Variants in GPAT3 observed in about 807,000 individuals in gnomAD.
GPAT3 encodes glycerol-3-phosphate acyltransferase 3.
Under a neutral mutation model 58.8 loss-of-function variants are expected in GPAT3, and 53 were observed. The observed-to-expected ratio is 0.90, with a 90% CI of 0.72 to 1.13. The LOEUF (loss-of-function observed/expected upper bound fraction) is 1.13. GPAT3 is among the 50% of genes most tolerant of loss of function. GPAT3 has a pLI of 0.00. For synonymous variants in GPAT3, 197 were observed against 187.4 expected, an observed-to-expected ratio of 1.05 and a Z score of -0.42; for missense variants, 511 against 527.6, an observed-to-expected ratio of 0.97 and a Z score of 0.31.
rs1181328400 is a variant in GPAT3 at position 83,579,087 on chromosome 4, C to T, written c.209-2475C>T. 3.5e-3 allele frequency among the ~76,000 whole-genome samples: 237 copies of T among 68,280 alleles called. 38 individuals are homozygous for T. Among genetic ancestry groups the T allele is most frequent in the East Asian group, 0.011 (19 of 1,706 alleles). 44.8% of individuals were successfully genotyped at this position (68,280 alleles called of 152,430 possible). A position where few individuals can be genotyped will look rare whatever the true frequency, so the allele number is the denominator to read the frequency against. On this transcript the variant is annotated intron_variant, in intron 2 of 11. Transcript: ENST00000264409. ...CTTTCTTTCTTTCTTTCTTCCCTTCCTTCCTTCCTTCCTTCCTTCCTTCCT... is the reference window on the plus strand; with the variant it reads ...CTTTCTTTCTTTCTTTCTTCCCTTCTTTCCTTCCTTCCTTCCTTCCTTCCT...
intron 2 of GPAT3, among the ~76,000 whole-genome samples, chr4:83,555,234 C>T (rs1298517786): frequency 6.6e-6 from 1 of 152,128 alleles, no homozygotes; most frequent in Admixed American, 6.6e-5. Context: ...GTGATAGTGT[C>T]TTTGTGTATG....
intron 2 of GPAT3, among the ~76,000 whole-genome samples, chr4:83,557,853 G>A (rs1724993980): frequency 1.3e-5 from 2 of 152,270 alleles, no homozygotes; most frequent in South Asian, 4.1e-4. Context: ...TTGACATAAT[G>A]TAAAGGGCAA....
rs1291958723 is a variant in GPAT3 at position 83,594,895 on chromosome 4, CA to C, written c.791del (p.Lys264ArgfsTer13). 3 of 1,613,842 alleles carry C rather than the reference CA, an allele frequency of 1.9e-6. No individual in the cohort carries two copies. Among genetic ancestry groups the C allele is most frequent in the Non-Finnish European group, 2.5e-6 (3 of 1,179,912 alleles). ...LMGIIQRAMV[K>X]ACPHVWFERS... The stretch of plus-strand genomic sequence containing the variant: ...TGGGAATTATTCAGAGAGCTATGGT[CA>C]AGGCTTGTCCTCATGTCTGGTTTGA... On this transcript the variant is annotated frameshift_variant, in exon 7 of 12. Coordinates refer to ENST00000264409, the MANE Select transcript of GPAT3 (RefSeq NM_032717.5). LOFTEE classifies it high-confidence loss of function.
At position 83,596,850 on chromosome 4, in the gene GPAT3, T is replaced by C; in HGVS notation, c.855-8T>C. The C allele has an allele frequency of 1.9e-6, 3 of 1,604,970 alleles. No homozygotes were observed. ...AAGGCAGAATTTTGATCCTTTTTTT[T>C]TCCATAGACTAAAAGAACATATTGC... On this transcript the variant is annotated splice_polypyrimidine_tract_variant and splice_region_variant and intron_variant, in intron 7 of 11. Coordinates refer to ENST00000264409, the MANE Select transcript of GPAT3 (RefSeq NM_032717.5).
Position 83,605,078 on chromosome 4 carries a change from T to G in GPAT3, c.*311T>G, listed in dbSNP as rs1727205458. ...GAAAAAAGTGCTTGAAAAGTGTGTT[T>G]GGAACTCATCGATAGGGTAATTCTC... is the stretch of plus-strand genomic sequence containing the variant. On this transcript the variant is annotated 3_prime_UTR_variant, in exon 12 of 12. Transcript: ENST00000264409. 4.8e-6 allele frequency: 1 copy of G among 208,168 alleles called. No individual in the cohort carries two copies. The highest frequency in any genetic ancestry group is 9.7e-6 in the Non-Finnish European group (1 of 103,524). 12.9% of individuals were successfully genotyped at this position (208,168 alleles called of 1,614,324 possible).
At chr4:83,588,913 T>G (rs1726485414) in intron 5 of GPAT3, among the ~76,000 whole-genome samples, 1 of 152,374 alleles carries the variant, frequency 6.6e-6, no homozygotes, top group African/African-American at 2.4e-5. Context: ...GAACTACTTT[T>G]CTATTATCTT....
intron 11 of GPAT3, among the ~76,000 whole-genome samples, chr4:83,603,982 C>T (rs1267100756): frequency 3.9e-5 from 6 of 151,916 alleles, no homozygotes; most frequent in African/African-American, 9.7e-5. Flanking sequence ...CATAGGTAGA[C>T]GAAAAACCAG....
At chr4:83,575,041 T>A (rs1725751392) in intron 2 of GPAT3, among the ~76,000 whole-genome samples, 1 of 151,954 alleles carries the variant, frequency 6.6e-6, no homozygotes, top group African/African-American at 2.4e-5. Context: ...CTCGCCAGTC[T>A]AATTTTTTGT....
At chr4:83,573,498 C>T (rs927871982) in intron 2 of GPAT3, among the ~76,000 whole-genome samples, 8 of 152,190 alleles carry the variant, frequency 5.3e-5, no homozygotes, top group African/African-American at 1.9e-4. Flanking sequence ...CAGGCCTCTT[C>T]CTTGACATTG....
Position 83,577,522 on chromosome 4 carries a change from A to G in GPAT3, c.209-4040A>G, listed in dbSNP as rs889314856. Among the ~76,000 whole-genome samples, 8 of 152,204 alleles carry G rather than the reference A, an allele frequency of 5.3e-5. No individual in the cohort carries two copies. The East Asian group carries it at 9.6e-4, about 18-fold the overall frequency. On this transcript the variant is annotated intron_variant, in intron 2 of 11. Coordinates refer to ENST00000264409, the MANE Select transcript of GPAT3 (RefSeq NM_032717.5). ...CTAAGTGGCTCAGGAAAATTTTTTT[A>G]TATACATATAAAGATAGAACAATAA...
intron 11 of GPAT3, among the ~76,000 whole-genome samples, chr4:83,603,066 G>A (rs975070838): frequency 2.0e-5 from 3 of 152,166 alleles, no homozygotes; most frequent in Non-Finnish European, 4.4e-5. Context: ...ATGGCATTGA[G>A]TTCACTGGCT....
intron 11 of GPAT3, among the ~76,000 whole-genome samples, chr4:83,603,015 G>T (rs1454047304): frequency 1.3e-5 from 2 of 152,110 alleles, no homozygotes; most frequent in Admixed American, 6.5e-5. Flanking sequence ...CATTGCATTT[G>T]TCTCAAGCCG....
chr4:83,604,273 G>T (rs895450663), intron 11 of GPAT3, among the ~76,000 whole-genome samples: 1 of 152,112 alleles, frequency 6.6e-6, no homozygotes, highest in Non-Finnish European at 1.5e-5. Flanking sequence ...GTTTCACTAT[G>T]TTGGCCAGGC....
At chr4:83,554,716 G>C (rs1034986829) in intron 2 of GPAT3, among the ~76,000 whole-genome samples, 2 of 151,598 alleles carry the variant, frequency 1.3e-5, no homozygotes, top group African/African-American at 4.9e-5. Flanking sequence ...TTCCTTACTA[G>C]CTCCTCTGGT....
At chr4:83,545,324 C>G (rs1724466791) in intron 2 of GPAT3, among the ~76,000 whole-genome samples, 1 of 151,920 alleles carries the variant, frequency 6.6e-6, no homozygotes, top group African/African-American at 2.4e-5. Context: ...ACCTGTAGTC[C>G]CAGCTACTCA....
At chr4:83,588,118 A>G in intron 4 of GPAT3, 92 bp from the exon 5 acceptor site, 1 of 1,010,250 alleles carries the variant, frequency 9.9e-7, no homozygotes, top group Non-Finnish European at 1.5e-6. Flanking sequence ...AGAATGTGGT[A>G]TGCTGTTGTG....
chr4:83,578,217 A>G (rs190985816), intron 2 of GPAT3, among the ~76,000 whole-genome samples: 1 of 152,336 alleles, frequency 6.6e-6, no homozygotes, highest in East Asian at 1.9e-4. Flanking sequence ...AGCCATTTTT[A>G]AAACAGAGTT....
At chr4:83,598,750 A>AATTTTTTT in intron 11 of GPAT3, 27 bp downstream of exon 11, 1 of 256,746 alleles carries the variant, frequency 3.9e-6, no homozygotes, top group Non-Finnish European at 6.2e-6. Context: ...AAGTACTATC[A>AATTTTTTT]CTTTTTTTTT....
rs372729979 is a variant in GPAT3, at chr4:83,597,471, G to T, written c.952G>T (p.Gly318Trp). 33 of 1,574,834 alleles carry T rather than the reference G, an allele frequency of 2.1e-5. No individual in the cohort carries two copies. The highest frequency in any genetic ancestry group is 2.8e-5 in the Non-Finnish European group (33 of 1,159,540). Residue 318 changes from glycine to tryptophan, a missense_variant, in exon 9 of 12, where the codon GGG (glycine) becomes TGG (tryptophan). Transcript: ENST00000264409. Reference sequence around the variant, plus strand: ...TACTTCAGTCATGATGTTTAAAAAGGGGAGCTTTGAAATTGGAGGAACCAT... The same window carrying T: ...TACTTCAGTCATGATGTTTAAAAAGTGGAGCTTTGAAATTGGAGGAACCAT... ...NNTSVMMFKK[G>W]SFEIGGTIHP...
Sources: gnomAD v4.1 joint callset for allele counts (sites outside exome capture counted in the v4.1 genomes callset) on GRCh38, gnomAD v4.1.1 for gene constraint, MANE v1.5 for transcripts, NCBI Gene and HGNC (gene_info 2026-07-23, HGNC 2026-07-21) for gene names.